The following THBS2 variants were observed in gnomAD, a reference collection of about 807,000 sequenced individuals.
The protein encoded by THBS2 is thrombospondin 2.
In THBS2, 47 loss-of-function variants were observed where a neutral mutation model predicts 135.2. The observed-to-expected ratio is 0.35, with a 90% CI of 0.28 to 0.44. The LOEUF (loss-of-function observed/expected upper bound fraction) is 0.44. Among genes scored for constraint, THBS2 ranks in the 20% least tolerant of loss-of-function variants. THBS2 has a pLI of 1.00. For missense variants in THBS2, 1,288 were observed against 1,603.1 expected (o/e 0.80, Z 3.36); for synonymous variants, 639 against 633.8 (o/e 1.01, Z -0.12).
In THBS2 at chr6:169,246,404, C is replaced by A. The variant is rs183444969; in HGVS notation, c.610-123G>T. The A allele has an allele frequency of 1.4e-4, 107 of 784,388 alleles. No homozygotes were observed. The East Asian group carries it at 2.4e-3, about 18-fold the overall frequency. The allele number at this position is 784,388 out of a possible 1,614,324, so 48.6% of individuals were successfully genotyped here. ...CAAGTAGTGAGAGTATTTCCTTCTA[C>A]GTAGCAGGTTTGCAATCTCTTTATA... On this transcript the variant is annotated intron_variant, in intron 3 of 21. Coordinates refer to ENST00000617924, the MANE Select transcript of THBS2 (RefSeq NM_003247.5).
chr6:169,248,343 C>T, intron 3 of THBS2, 74 bp downstream of exon 3: 2 of 1,488,864 alleles, frequency 1.3e-6, no homozygotes, highest in Non-Finnish European at 1.8e-6. Context: ...ATCGCATCAC[C>T]AGACGCATTA....
Position 169,232,937 on chromosome 6 carries a change from G to T in THBS2, c.1732C>A (p.Pro578Thr), listed in dbSNP as rs1178271721. 1.9e-6 allele frequency: 3 copies of T among 1,573,468 alleles called. No homozygotes were observed. In the South Asian group the frequency reaches 3.5e-5, roughly 18 times the overall value. The change falls in exon 11 of 22, where the codon CCT (proline) becomes ACT (threonine). Residue 578 changes from proline to threonine, a missense_variant. This residue lies in a region of THBS2 where 874 missense variants were observed against 1,156.1 expected (regional missense o/e 0.76). Coordinates refer to ENST00000617924, the MANE Select transcript of THBS2 (RefSeq NM_003247.5). ...GTGCCATTGCCCAAGAAGCCCACAG[G>T]GCAGGAGCCGCATGACCAGGACCCA... ...PDGSWSCGSCPVGFLGNGTHC... is the reference protein window; with the variant it reads ...PDGSWSCGSCTVGFLGNGTHC...
At chr6:169,219,045 GTGGATGAGATGGATGGATGGA>G (rs1779313424) in intron 21 of THBS2, among the ~76,000 whole-genome samples, 1 of 149,972 alleles carries the variant, frequency 6.7e-6, no homozygotes, top group South Asian at 2.2e-4. Context: ...GAGTAGGTGG[GTGGATGAGATGGATGGATGGA>G]TGGATGAGAT....
chr6:169,242,932 C>CTTCCCACCTTCCCACA lies in THBS2; in HGVS notation c.695-975_695-974insTGTGGGAAGGTGGGAA, dbSNP rs1174033434. Among the ~76,000 whole-genome samples the CTTCCCACCTTCCCACA allele has an allele frequency of 8.9e-3, 299 of 33,542 alleles. 35 individuals carry two copies. Among genetic ancestry groups the CTTCCCACCTTCCCACA allele is most frequent in the Middle Eastern group, 0.023 (1 of 44 alleles). The allele number at this position is 33,542 out of a possible 152,430, so 22.0% of individuals were successfully genotyped here. On this transcript the variant is annotated intron_variant, in intron 4 of 21. Transcript: ENST00000617924. ...CTTCCCACCTTCCCACCACTCCCAC[C>CTTCCCACCTTCCCACA]TTCCCACCTTCCCACCTTCCCACCT... is the stretch of plus-strand genomic sequence containing the variant.
At chr6:169,227,664 T>G (rs1779685678) in intron 15 of THBS2, among the ~76,000 whole-genome samples, 1 of 152,170 alleles carries the variant, frequency 6.6e-6, no homozygotes, top group Admixed American at 6.5e-5. Context: ...AGAATAAGCA[T>G]GGGTCCCTAT....
At position 169,248,804 on chromosome 6, in the gene THBS2, G is replaced by A. The variant is rs1780653200; in HGVS notation, c.222C>T (p.Ile74=). The change falls in exon 3 of 22, where the codon ATC becomes ATT. Residue 74 remains isoleucine, a synonymous_variant. Transcript: ENST00000617924. ...PPVNADDLSK[I]TKIMRQKEGF... ...CCTCCTTCTGCCGCATGATCTTGGTGATCTTGCTGAGGTCATCTGCGTTCA... is the reference window on the plus strand; with the variant it reads ...CCTCCTTCTGCCGCATGATCTTGGTAATCTTGCTGAGGTCATCTGCGTTCA... 6.2e-7 allele frequency: 1 copy of A among 1,611,246 alleles called. No homozygotes were observed. Among genetic ancestry groups the A allele is most frequent in the Non-Finnish European group, 8.5e-7 (1 of 1,180,020 alleles).
At chr6:169,251,624 T>G (rs2115039860) in intron 1 of THBS2, among the ~76,000 whole-genome samples, 1 of 152,272 alleles carries the variant, frequency 6.6e-6, no homozygotes, top group East Asian at 1.9e-4. Flanking sequence ...TGCTCTAGGT[T>G]GAAGGGAAGA....
chr6:169,232,990 G>A lies in THBS2; in HGVS notation c.1679C>T (p.Pro560Leu), dbSNP rs1323254109. 5.2e-6 allele frequency: 8 copies of A among 1,546,774 alleles called. No homozygotes were observed. In the East Asian group the frequency reaches 7.2e-5, roughly 14 times the overall value. ...GGGGAAGCTGCTGCACTGGGCTCCC[G>A]GGAAGCAGGGGTTGGATAAACAGCC... ...VDGCLSNPCF[P>L]GAQCSSFPDG... Residue 560 changes from proline (P) to leucine (L), a missense_variant, in exon 11 of 22, where the codon CCG becomes CTG. By Grantham distance (98) the Pro-to-Leu change is moderately conservative. Transcript: ENST00000617924.
chr6:169,247,776 TGTG>T (rs1314998124), intron 3 of THBS2, among the ~76,000 whole-genome samples: 3 of 151,754 alleles, frequency 2.0e-5, no homozygotes, highest in Non-Finnish European at 4.4e-5. Context: ...TGTGTGCATG[TGTG>T]GTATGTGCAC....
chr6:169,229,544 G>C (rs763606700), intron 14 of THBS2, 28 bp downstream of exon 14: 1 of 1,593,690 alleles, frequency 6.3e-7, no homozygotes, highest in South Asian at 1.1e-5. Flanking sequence ...GGAACCCAGG[G>C]CAGGTGCGCG....
chr6:169,220,687 G>A (rs922401526), intron 20 of THBS2, among the ~76,000 whole-genome samples: 2 of 152,178 alleles, frequency 1.3e-5, no homozygotes. Context: ...ACTTCACCTT[G>A]TGCTAAAACC....
Position 169,241,855 on chromosome 6 carries a change from G to A in THBS2, c.798C>T (p.Cys266=), listed in dbSNP as rs148909888. Residue 266 remains cysteine, a synonymous_variant, in exon 5 of 22, where the codon TGC becomes TGT. Coordinates refer to ENST00000617924, the MANE Select transcript of THBS2 (RefSeq NM_003247.5). This position sits in a 1 kb window ranked among gnomAD's most constrained non-coding sequence, Gnocchi z 5.5. ...GPSSERRPEV[C]ERSCEELGNM... is the part of the protein sequence containing the mutation. The stretch of plus-strand genomic sequence containing the variant: ...TTCCCAGCTCCTCGCACGAGCGTTC[G>A]CACACCTCGGGCCTCCTCTCCGAGC... The A allele has an allele frequency of 7.8e-4, 1,257 of 1,612,452 alleles. 1 individual carries two copies. Among genetic ancestry groups the A allele is most frequent in the Non-Finnish European group, 9.7e-4 (1,149 of 1,179,944 alleles).
intron 12 of THBS2, 89 bp downstream of exon 12, chr6:169,232,575 C>G (rs1348832221): frequency 6.6e-7 from 1 of 1,519,788 alleles, no homozygotes; most frequent in Non-Finnish European, 8.8e-7. Flanking sequence ...CACGCCACCC[C>G]TTCCTCTCCT....
intron 4 of THBS2, among the ~76,000 whole-genome samples, chr6:169,242,690 A>C (rs1780369966): frequency 6.2e-5 from 2 of 32,236 alleles, no homozygotes; most frequent in South Asian, 9.9e-4. Context: ...CCACCTTCCC[A>C]TCTTCCCACC....
intron 16 of THBS2, among the ~76,000 whole-genome samples, chr6:169,225,851 T>C (rs1382073020): frequency 1.3e-5 from 2 of 152,218 alleles, no homozygotes; most frequent in African/African-American, 4.8e-5. Flanking sequence ...AGACACAACC[T>C]CGCTCCAGCT....
Position 169,241,613 on chromosome 6 carries a change from G to T in THBS2, c.891+149C>A. On this transcript the variant is annotated intron_variant, in intron 5 of 21. Transcript: ENST00000617924. The surrounding 1 kb of genome is among the most constrained non-coding windows in gnomAD (Gnocchi z 5.5). ...GAATATTGAGCAAGGATCCTGAGGA[G>T]CCCGGCAGACACCTCCCCTGTGAAC... 1 of 748,194 alleles carries T rather than the reference G, an allele frequency of 1.3e-6. No individual in the cohort carries two copies. Among genetic ancestry groups the T allele is most frequent in the Non-Finnish European group, 2.1e-6 (1 of 477,642 alleles). 46.3% of individuals were successfully genotyped at this position (748,194 alleles called of 1,614,324 possible).
rs371795252 is a variant in THBS2 at position 169,247,990 on chromosome 6, T to G, written c.609+427A>C. On this transcript the variant is annotated intron_variant, in intron 3 of 21. Coordinates refer to ENST00000617924, the MANE Select transcript of THBS2 (RefSeq NM_003247.5). ...TATGGTGTTTGTGTGCACATGGGCA[T>G]GCATATGTGAGGGTGTGTTCACATG... Among the ~76,000 whole-genome samples the G allele has an allele frequency of 1.9e-3, 292 of 152,120 alleles. 1 individual carries two copies. The highest frequency in any genetic ancestry group is 3.5e-3 in the Non-Finnish European group (239 of 67,990).
In THBS2 at chr6:169,216,715, T is replaced by C. The variant is rs73238283; in HGVS notation, c.*1107A>G. ...CAAGCCTCATATTTTCACAGGATTA[T>C]ATACTTATTAGATGTTTGTTTCTAG... On this transcript the variant is annotated 3_prime_UTR_variant, in exon 22 of 22. Transcript: ENST00000617924. 1 of 152,218 alleles carries C rather than the reference T, an allele frequency of 6.6e-6. No homozygotes were observed. Among genetic ancestry groups the C allele is most frequent in the Non-Finnish European group, 1.5e-5 (1 of 68,040 alleles). The allele number at this position is 152,218 out of a possible 1,614,324, so 9.4% of individuals were successfully genotyped here. A position where few individuals can be genotyped will look rare whatever the true frequency, so the allele number is the denominator to read the frequency against.
intron 21 of THBS2, 130 bp downstream of exon 21, chr6:169,220,068 T>G: frequency 8.7e-7 from 1 of 1,154,082 alleles, no homozygotes; most frequent in Non-Finnish European, 1.2e-6. Flanking sequence ...AGGGGGCTCA[T>G]GTGTGGTATT....
Sources: allele counts gnomAD v4.1 joint callset (sites outside exome capture counted in the v4.1 genomes callset), GRCh38; gene constraint gnomAD v4.1.1; regional missense constraint gnomAD v4.1.1; non-coding constraint Gnocchi (gnomAD v3.1); transcripts MANE v1.5; gene names NCBI Gene and HGNC (gene_info 2026-07-23, HGNC 2026-07-21).